The following CLCN5 variants were observed in gnomAD, a reference collection of about 807,000 sequenced individuals.
CLCN5 encodes H(+)/Cl(-) exchange transporter 5.
A neutral mutation model predicts 54.0 loss-of-function variants in CLCN5; 17 were observed. The observed-to-expected ratio is 0.31, with a 90% CI of 0.22 to 0.47. The LOEUF (loss-of-function observed/expected upper bound fraction) is 0.47, where lower values mean the gene tolerates loss of function less well. Among genes scored for constraint, CLCN5 ranks in the 20% least tolerant of loss-of-function variants. CLCN5 has a pLI of 1.00. For missense variants in CLCN5, 448 were observed against 646.7 expected (o/e 0.69, Z 3.33); for synonymous variants, 222 against 233.0 (o/e 0.95, Z 0.43).
intron 7 of CLCN5, among the ~76,000 whole-genome samples, chrX:50,079,857 C>T (rs1371614923): frequency 2.7e-5 from 3 of 110,498 alleles, no homozygotes; most frequent in Admixed American, 9.6e-5. Context: ...GTGAATAAGT[C>T]TAGAGAGGTA....
chrX:49,960,968 A>C (rs1170127687), intron 3 of CLCN5, among the ~76,000 whole-genome samples: 2 of 111,278 alleles, frequency 1.8e-5, no homozygotes, highest in African/African-American at 6.5e-5. Context: ...CCTTCCCTCT[A>C]CTAAAAACTG....
chrX:50,073,354 A>G (rs1311175170), intron 6 of CLCN5, among the ~76,000 whole-genome samples: 2 of 111,640 alleles, frequency 1.8e-5, no homozygotes, highest in Non-Finnish European at 3.8e-5. Flanking sequence ...GAAGGTATAC[A>G]GTGGTAGTTA....
chrX:49,965,393 G>C (rs1431884148), intron 3 of CLCN5, among the ~76,000 whole-genome samples: 1 of 111,772 alleles, frequency 8.9e-6, no homozygotes, highest in Admixed American at 9.5e-5. Context: ...TCATGGTTTT[G>C]ATGCTATTTA....
chrX:49,927,425 T>G (rs782447768), intron 3 of CLCN5, among the ~76,000 whole-genome samples: 3 of 112,071 alleles, frequency 2.7e-5, no homozygotes, highest in Non-Finnish European at 5.6e-5. Flanking sequence ...GTAAGCTCTT[T>G]GGATAACTGC....
In CLCN5 at chrX:50,069,265, G is replaced by C. The variant is rs533165189; in HGVS notation, c.164-614G>C. Among the ~76,000 whole-genome samples the C allele has an allele frequency of 1.4e-4, 16 of 111,932 alleles. No individual in the cohort carries two copies. In the South Asian group the frequency reaches 5.7e-3, roughly 40 times the overall value. ...GATCAGGGAGGGACATTTCATCACT[G>C]AATCATACACTGTTCTTTAAATCTC... On this transcript the variant is annotated intron_variant, in intron 4 of 14. Transcript: ENST00000376091.
chrX:49,936,591 G>C (rs1435677302), intron 3 of CLCN5, among the ~76,000 whole-genome samples: 1 of 112,134 alleles, frequency 8.9e-6, no homozygotes, highest in African/African-American at 3.2e-5. Flanking sequence ...AATGATCAGT[G>C]TTTTGCTATT....
chrX:49,926,803 G>A (rs1925366429), intron 3 of CLCN5, among the ~76,000 whole-genome samples: 2 of 112,387 alleles, frequency 1.8e-5, no homozygotes, highest in African/African-American at 6.5e-5. Context: ...TTTGGCAGCA[G>A]TGCTGAGCTG....
At chrX:49,991,270 C>T (rs1477564789) in intron 3 of CLCN5, among the ~76,000 whole-genome samples, 1 of 112,016 alleles carries the variant, frequency 8.9e-6, no homozygotes, top group Non-Finnish European at 1.9e-5. Context: ...TAAGATGTAT[C>T]ACATTGTGGT....
At chrX:50,027,907 C>G (rs1931500069) in intron 3 of CLCN5, among the ~76,000 whole-genome samples, 2 of 111,476 alleles carry the variant, frequency 1.8e-5, no homozygotes, top group African/African-American at 3.3e-5. Context: ...AAGATTTCCA[C>G]TAGTGTCTGT....
At chrX:49,976,331 G>A (rs782047329) in intron 3 of CLCN5, among the ~76,000 whole-genome samples, 7 of 112,558 alleles carry the variant, frequency 6.2e-5, no homozygotes, top group African/African-American at 2.3e-4. Flanking sequence ...AACAAGGCCA[G>A]CACCAGAACT....
intron 4 of CLCN5, among the ~76,000 whole-genome samples, chrX:50,056,596 T>G (rs2147503979): frequency 8.9e-6 from 1 of 111,908 alleles, no homozygotes; most frequent in Non-Finnish European, 1.9e-5. Flanking sequence ...TTTTGGTTAC[T>G]TTGATAACTC....
intron 3 of CLCN5, among the ~76,000 whole-genome samples, chrX:49,998,776 T>C (rs1408772000): frequency 3.6e-5 from 4 of 110,976 alleles, no homozygotes; most frequent in Non-Finnish European, 7.6e-5. Flanking sequence ...GTGGAGTCTG[T>C]GGGAGAGCAA....
chrX:50,034,067 A>C (rs1201880904), intron 3 of CLCN5, among the ~76,000 whole-genome samples: 10 of 112,630 alleles, frequency 8.9e-5, no homozygotes, highest in African/African-American at 2.9e-4. Context: ...GTTAAGAATT[A>C]GTCCAAGCCT....
At chrX:49,963,460 C>T (rs1927703911) in intron 3 of CLCN5, among the ~76,000 whole-genome samples, 1 of 111,763 alleles carries the variant, frequency 8.9e-6, no homozygotes, top group Non-Finnish European at 1.9e-5. Flanking sequence ...GTACATAAAC[C>T]AGGCAGCTTC....
chrX:50,056,646 G>A (rs1376773364), intron 4 of CLCN5, among the ~76,000 whole-genome samples: 1 of 111,779 alleles, frequency 8.9e-6, no homozygotes, highest in Non-Finnish European at 1.9e-5. Context: ...ATGAAAGTGA[G>A]TTGAGTCAGG....
At chrX:49,969,531 TAAG>T (rs1181638337) in intron 3 of CLCN5, among the ~76,000 whole-genome samples, 1 of 112,717 alleles carries the variant, frequency 8.9e-6, no homozygotes, top group Non-Finnish European at 1.9e-5. Flanking sequence ...CATGGGTTAT[TAAG>T]AAGCATGTTA....
intron 3 of CLCN5, among the ~76,000 whole-genome samples, chrX:49,978,363 A>G (rs1192971427): frequency 8.9e-6 from 1 of 112,241 alleles, no homozygotes; most frequent in African/African-American, 3.2e-5. Context: ...AACTGCTCTG[A>G]GTCAGTTTCC....
intron 4 of CLCN5, among the ~76,000 whole-genome samples, chrX:50,051,139 G>C (rs1329096541): frequency 1.8e-5 from 2 of 111,728 alleles, no homozygotes; most frequent in African/African-American, 3.3e-5. Context: ...TCTTCCAGAA[G>C]TTTTATAGTT....
In CLCN5 at chrX:50,036,884, T is replaced by C. The variant is rs782599036; in HGVS notation, c.17-5432T>C. Among the ~76,000 whole-genome samples, 3 of 112,384 alleles carry C rather than the reference T, an allele frequency of 2.7e-5. No individual in the cohort carries two copies. The Admixed American group carries it at 2.8e-4, about 11-fold the overall frequency. Reference sequence around the variant, plus strand: ...AACTTACTGAATTGTGCTACTCTCTTAGCCTCAGTTCTTCTCATCAGCTAA... The same window carrying C: ...AACTTACTGAATTGTGCTACTCTCTCAGCCTCAGTTCTTCTCATCAGCTAA... On this transcript the variant is annotated intron_variant, in intron 3 of 14. Coordinates refer to ENST00000376091, the MANE Select transcript of CLCN5 (RefSeq NM_001127898.4).
Sources: allele counts gnomAD v4.1 joint callset (sites outside exome capture counted in the v4.1 genomes callset), GRCh38; gene constraint gnomAD v4.1.1; transcripts MANE v1.5; gene names NCBI Gene and HGNC (gene_info 2026-07-23, HGNC 2026-07-21).